Variants in MEIS1 observed in about 807,000 individuals in gnomAD.
MEIS1 encodes homeobox protein Meis1.
Under a neutral mutation model 50.8 loss-of-function variants are expected in MEIS1, and 5 were observed. That is an observed-to-expected ratio of 0.10 (90% CI 0.05 to 0.21). The LOEUF (loss-of-function observed/expected upper bound fraction) is 0.21. Ranked by LOEUF, MEIS1 falls within the 10% of genes least tolerant of loss-of-function variation. MEIS1 has a pLI of 1.00. For synonymous variants in MEIS1, 176 were observed against 179.3 expected (o/e 0.98, Z 0.15); for missense variants, 318 against 517.3 (o/e 0.61, Z 3.74).
chr2:66,534,303 A>G (rs1462585090), intron 8 of MEIS1, among the ~76,000 whole-genome samples: 1 of 152,204 alleles, frequency 6.6e-6, no homozygotes, highest in Admixed American at 6.5e-5. Context: ...TGGGAGGCCA[A>G]GGCGGGCGGA....
chr2:66,526,947 G>T (rs1483957630), intron 8 of MEIS1, among the ~76,000 whole-genome samples: 3 of 152,092 alleles, frequency 2.0e-5, no homozygotes, highest in East Asian at 3.9e-4. Flanking sequence ...AATGACAGGT[G>T]CTCAGGACTT....
chr2:66,478,797 A>G (rs1381372680), intron 7 of MEIS1, among the ~76,000 whole-genome samples: 12 of 152,222 alleles, frequency 7.9e-5, no homozygotes, highest in Admixed American at 7.9e-4. Flanking sequence ...CTGGCATAGT[A>G]AAGGACATGG....
At chr2:66,485,409 C>T (rs762277675) in intron 7 of MEIS1, among the ~76,000 whole-genome samples, 128 of 152,300 alleles carry the variant, frequency 8.4e-4, no homozygotes, top group Non-Finnish European at 1.4e-3. Context: ...CCAGCTTCAT[C>T]CATGTCCCTG....
At chr2:66,522,436 C>A (rs866699232) in intron 8 of MEIS1, among the ~76,000 whole-genome samples, 2 of 152,114 alleles carry the variant, frequency 1.3e-5, no homozygotes, top group African/African-American at 2.4e-5. Context: ...GTGGGCCAGG[C>A]GAGGGGATCC....
At chr2:66,458,725 T>C (rs1183391728) in intron 6 of MEIS1, among the ~76,000 whole-genome samples, 1 of 152,226 alleles carries the variant, frequency 6.6e-6, no homozygotes, top group South Asian at 2.1e-4. Context: ...TTTTGACTGT[T>C]ATGCTACAAC....
At chr2:66,457,630 G>A (rs985258989) in intron 6 of MEIS1, among the ~76,000 whole-genome samples, 2 of 152,260 alleles carry the variant, frequency 1.3e-5, no homozygotes, top group East Asian at 1.9e-4. Context: ...TAAGGATCCC[G>A]AAAAACACTG....
intron 9 of MEIS1, among the ~76,000 whole-genome samples, chr2:66,558,607 GCATGCAAGCCTC>G (rs1461319205): frequency 2.6e-5 from 4 of 152,180 alleles, no homozygotes; most frequent in African/African-American, 9.7e-5. Context: ...TTCCAAGGAT[GCATGCAAGCCTC>G]CATTCAAGTC....
At position 66,512,291 on chromosome 2, in the gene MEIS1, A is replaced by G. The variant is rs748493077; in HGVS notation, c.885A>G (p.Leu295=). 6.2e-7 allele frequency: 1 copy of G among 1,610,530 alleles called. No homozygotes were observed. Among genetic ancestry groups the G allele is most frequent in the South Asian group, 1.1e-5 (1 of 89,560 alleles). Residue 295 remains leucine, a synonymous_variant, in exon 8 of 13, where the codon CTA becomes CTG. Transcript: ENST00000272369. ...NIMRAWLFQH[L]THPYPSEEQK... is the part of the protein sequence containing the mutation. Reference sequence around the variant, plus strand: ...TGAGGGCGTGGCTGTTCCAGCATCTAACAGTAAGTGGATTCTAAATGACAT... The same window carrying G: ...TGAGGGCGTGGCTGTTCCAGCATCTGACAGTAAGTGGATTCTAAATGACAT...
intron 8 of MEIS1, among the ~76,000 whole-genome samples, chr2:66,536,930 A>G (rs1343141695): frequency 6.6e-6 from 1 of 152,180 alleles, no homozygotes; most frequent in African/African-American, 2.4e-5. Context: ...TTAGCTTTAC[A>G]AAGGGGGGAA....
chr2:66,536,100 C>T (rs1674510805), intron 8 of MEIS1, among the ~76,000 whole-genome samples: 1 of 152,156 alleles, frequency 6.6e-6, no homozygotes, highest in African/African-American at 2.4e-5. Context: ...GCCTCTCTCA[C>T]AGCTTATAAA....
At chr2:66,507,142 C>CTA (rs1673702820) in intron 7 of MEIS1, among the ~76,000 whole-genome samples, 2 of 152,190 alleles carry the variant, frequency 1.3e-5, no homozygotes, top group South Asian at 4.1e-4. Flanking sequence ...ACAACAGGAA[C>CTA]TATACATTCA....
At chr2:66,448,260 T>C (rs1406595640) in intron 6 of MEIS1, among the ~76,000 whole-genome samples, 1 of 152,194 alleles carries the variant, frequency 6.6e-6, no homozygotes, top group Non-Finnish European at 1.5e-5. Context: ...TTTCAAACAC[T>C]CATATGTTTA....
chr2:66,483,095 G>A (rs1673055803), intron 7 of MEIS1, among the ~76,000 whole-genome samples: 1 of 152,118 alleles, frequency 6.6e-6, no homozygotes. Context: ...GCAATGGTAA[G>A]CATTATGTAT....
At position 66,548,055 on chromosome 2, in the gene MEIS1, T is replaced by C. The variant is rs767291996; in HGVS notation, c.965+36T>C. ...TGGCTTTGTGTTTACACACAATCTG[T>C]TTCCCCCTCTGGCAACCTGCAGCTC... On this transcript the variant is annotated intron_variant, in intron 9 of 12. Coordinates refer to ENST00000272369, the MANE Select transcript of MEIS1 (RefSeq NM_002398.3). The C allele has an allele frequency of 5.6e-6, 9 of 1,600,580 alleles. No individual in the cohort carries two copies. The Admixed American group carries it at 1.5e-4, about 27-fold the overall frequency.
intron 7 of MEIS1, chr2:66,508,836 T>A (rs1052879695): frequency 4.0e-5 from 14 of 349,948 alleles, no homozygotes; most frequent in African/African-American, 2.4e-4. Context: ...TGGAGCCTAC[T>A]GCTATCCTAA....
intron 9 of MEIS1, among the ~76,000 whole-genome samples, chr2:66,552,324 A>C (rs1674941993): frequency 6.6e-6 from 1 of 152,180 alleles, no homozygotes; most frequent in South Asian, 2.1e-4. Flanking sequence ...CCTCATCCAA[A>C]CACTTTCCTA....
At chr2:66,488,080 A>G (rs554590299) in intron 7 of MEIS1, among the ~76,000 whole-genome samples, 1 of 152,228 alleles carries the variant, frequency 6.6e-6, no homozygotes, top group Non-Finnish European at 1.5e-5. Flanking sequence ...TTCCAAATGC[A>G]TATCAGCTTT....
At chr2:66,516,808 C>T (rs1409858007) in intron 8 of MEIS1, among the ~76,000 whole-genome samples, 1 of 152,150 alleles carries the variant, frequency 6.6e-6, no homozygotes, top group East Asian at 1.9e-4. Flanking sequence ...CTAGAAGAGA[C>T]AGATGTTGTT....
At chr2:66,526,380 A>G (rs1036232493) in intron 8 of MEIS1, among the ~76,000 whole-genome samples, 28 of 152,210 alleles carry the variant, frequency 1.8e-4, no homozygotes, top group African/African-American at 6.5e-4. Context: ...TCATTGTGCA[A>G]GTCACCCATG....
Sources: gnomAD v4.1 joint callset for allele counts (sites outside exome capture counted in the v4.1 genomes callset) on GRCh38, gnomAD v4.1.1 for gene constraint, MANE v1.5 for transcripts, NCBI Gene and HGNC (gene_info 2026-07-23, HGNC 2026-07-21) for gene names.